VTI1A: variants seen among roughly 807,000 people sequenced by gnomAD.
VTI1A encodes the protein vesicle transport through interaction with t-SNAREs homolog 1A.
Under a neutral mutation model 34.9 loss-of-function variants are expected in VTI1A, and 22 were observed. That is an observed-to-expected ratio of 0.63 (90% CI 0.45 to 0.90). The LOEUF (loss-of-function observed/expected upper bound fraction) is 0.90. VTI1A is among the 40% of genes least tolerant of loss of function. The pLI is 0.00. For synonymous variants in VTI1A, 87 were observed against 97.3 expected (o/e 0.89, Z 0.62); for missense variants, 268 against 275.6 (o/e 0.97, Z 0.20).
intron 3 of VTI1A, among the ~76,000 whole-genome samples, chr10:112,474,347 C>T (rs1848205507): frequency 6.6e-6 from 1 of 152,046 alleles, no homozygotes; most frequent in Non-Finnish European, 1.5e-5. Flanking sequence ...GCCACCACGC[C>T]CGGCAACTAT....
At chr10:112,682,082 A>G (rs898165322) in intron 7 of VTI1A, among the ~76,000 whole-genome samples, 3 of 152,174 alleles carry the variant, frequency 2.0e-5, no homozygotes, top group East Asian at 1.9e-4. Flanking sequence ...AGGCCAAGCT[A>G]TTTATATGGA....
At chr10:112,712,537 C>T (rs545792194) in intron 7 of VTI1A, among the ~76,000 whole-genome samples, 3 of 150,240 alleles carry the variant, frequency 2.0e-5, no homozygotes, top group Admixed American at 6.6e-5. Flanking sequence ...TCTAGTTAAA[C>T]GTTTACTCCA....
intron 7 of VTI1A, among the ~76,000 whole-genome samples, chr10:112,815,059 G>A (rs191938979): frequency 2.5e-4 from 38 of 152,038 alleles, no homozygotes; most frequent in African/African-American, 8.2e-4. Flanking sequence ...GGAGGGCAGC[G>A]TGACAATCAT....
chr10:112,758,304 T>TCTCTCTATCTCTGCCAGCTCAGGC (rs1214801558), intron 7 of VTI1A, among the ~76,000 whole-genome samples: 1 of 152,062 alleles, frequency 6.6e-6, no homozygotes, highest in Non-Finnish European at 1.5e-5. Context: ...CTAAGGAGTA[T>TCTCTCTATCTCTGCCAGCTCAGGC]CTCTCTATCT....
At chr10:112,807,884 T>C (rs900303689) in intron 7 of VTI1A, among the ~76,000 whole-genome samples, 1 of 150,904 alleles carries the variant, frequency 6.6e-6, no homozygotes, top group Non-Finnish European at 1.5e-5. Context: ...ATAAAAAAGA[T>C]CTCTAATGAA....
intron 3 of VTI1A, among the ~76,000 whole-genome samples, chr10:112,508,896 A>G (rs1391163822): frequency 2.0e-5 from 3 of 152,200 alleles, no homozygotes; most frequent in Non-Finnish European, 4.4e-5. Context: ...AATCAAGCTC[A>G]GATGCAAGCA....
intron 5 of VTI1A, among the ~76,000 whole-genome samples, chr10:112,596,152 G>T (rs1844631990): frequency 6.6e-6 from 1 of 150,462 alleles, no homozygotes; most frequent in Non-Finnish European, 1.5e-5. Flanking sequence ...TCACACTCTG[G>T]GGACTGTTGT....
At chr10:112,761,784 G>GTC (rs1250371189) in intron 7 of VTI1A, among the ~76,000 whole-genome samples, 2 of 151,526 alleles carry the variant, frequency 1.3e-5, no homozygotes, top group Non-Finnish European at 2.9e-5. Context: ...GTGTGTGTGT[G>GTC]TGTGTGTGTG....
intron 7 of VTI1A, among the ~76,000 whole-genome samples, chr10:112,720,972 T>C (rs150267506): frequency 8.5e-5 from 13 of 152,204 alleles, no homozygotes; most frequent in Admixed American, 2.6e-4. Flanking sequence ...AAAAAAATGG[T>C]GAAAATGCCC....
At chr10:112,694,795 C>T (rs1340318665) in intron 7 of VTI1A, among the ~76,000 whole-genome samples, 1 of 152,012 alleles carries the variant, frequency 6.6e-6, no homozygotes, top group Non-Finnish European at 1.5e-5. Flanking sequence ...ATAGTGAAAC[C>T]CCGTCTCTAC....
intron 7 of VTI1A, among the ~76,000 whole-genome samples, chr10:112,768,242 A>G (rs1404748208): frequency 1.3e-5 from 2 of 152,242 alleles, no homozygotes; most frequent in Non-Finnish European, 2.9e-5. Flanking sequence ...GCTTTGAGAG[A>G]CACAAGGCTG....
At chr10:112,602,033 A>T (rs1353800293) in intron 5 of VTI1A, among the ~76,000 whole-genome samples, 3 of 152,146 alleles carry the variant, frequency 2.0e-5, no homozygotes, top group Non-Finnish European at 4.4e-5. Flanking sequence ...TAAAAATGAG[A>T]AGAACTGAAA....
intron 7 of VTI1A, among the ~76,000 whole-genome samples, chr10:112,782,357 C>T (rs776295736): frequency 1.3e-5 from 2 of 152,274 alleles, no homozygotes; most frequent in South Asian, 2.1e-4. Flanking sequence ...GTTGCAATGA[C>T]GCTTGGATCA....
At chr10:112,522,664 T>G (rs191245992) in intron 3 of VTI1A, among the ~76,000 whole-genome samples, 57 of 152,242 alleles carry the variant, frequency 3.7e-4, no homozygotes, top group African/African-American at 1.3e-3. Flanking sequence ...CATGTAAAAC[T>G]CAAGTCGAAT....
chr10:112,806,002 G>A (rs1402408367), intron 7 of VTI1A, among the ~76,000 whole-genome samples: 1 of 152,072 alleles, frequency 6.6e-6, no homozygotes, highest in Admixed American at 6.5e-5. Flanking sequence ...GTTGAGCTAA[G>A]TATTAAGAAA....
At chr10:112,768,805 T>C (rs1334953556) in intron 7 of VTI1A, among the ~76,000 whole-genome samples, 1 of 152,158 alleles carries the variant, frequency 6.6e-6, no homozygotes, top group East Asian at 1.9e-4. Flanking sequence ...GTAAATGTGT[T>C]ATAATCATGG....
chr10:112,821,712 A>G (rs557324651), downstream of VTI1A, among the ~76,000 whole-genome samples: 4 of 152,346 alleles, frequency 2.6e-5, no homozygotes, highest in South Asian at 8.3e-4. Flanking sequence ...GAACATGGCT[A>G]GGACTCACCA....
chr10:112,778,117 A>T (rs968030439), intron 7 of VTI1A, among the ~76,000 whole-genome samples: 2 of 152,212 alleles, frequency 1.3e-5, no homozygotes, highest in Non-Finnish European at 2.9e-5. Flanking sequence ...AAAGGAAAAA[A>T]AAAAGTGTAT....
At chr10:112,680,912 A>AGTG (rs1483758678) in intron 7 of VTI1A, among the ~76,000 whole-genome samples, 2 of 152,118 alleles carry the variant, frequency 1.3e-5, no homozygotes, top group Non-Finnish European at 2.9e-5. Flanking sequence ...GCAGGCAAAC[A>AGTG]GTGGTGATGG....
Sources: gnomAD v4.1 joint callset for allele counts (sites outside exome capture counted in the v4.1 genomes callset) on GRCh38, gnomAD v4.1.1 for gene constraint, MANE v1.5 for transcripts, NCBI Gene and HGNC (gene_info 2026-07-23, HGNC 2026-07-21) for gene names.